Variants in ALPK1 observed in about 807,000 individuals in gnomAD.
The protein encoded by ALPK1 is alpha kinase 1.
ALPK1 carries 110 observed loss-of-function variants against 120.6 expected under a neutral mutation model. The observed-to-expected ratio is 0.91, with a 90% CI of 0.78 to 1.07. ALPK1 has a LOEUF of 1.07. Among genes scored for constraint, ALPK1 ranks in the 50% least tolerant of loss-of-function variants. ALPK1 has a pLI of 0.00. For synonymous variants in ALPK1, 582 were observed against 560.3 expected (o/e 1.04, Z -0.55); for missense variants, 1,498 against 1,483.9 (o/e 1.01, Z -0.16).
At chr4:112,323,218 A>G (rs1247381328) in intron 2 of ALPK1, among the ~76,000 whole-genome samples, 1 of 152,240 alleles carries the variant, frequency 6.6e-6, no homozygotes, top group African/African-American at 2.4e-5. Context: ...CGGTCTTCTA[A>G]GCAAAGCGTA....
chr4:112,422,055 G>C (rs1378111001), intron 5 of ALPK1, among the ~76,000 whole-genome samples: 2 of 152,160 alleles, frequency 1.3e-5, no homozygotes, highest in African/African-American at 4.8e-5. Flanking sequence ...CAGTTGATCT[G>C]ATCATGGAGA....
intron 2 of ALPK1, among the ~76,000 whole-genome samples, chr4:112,342,728 T>C (rs1729912668): frequency 6.6e-6 from 1 of 152,256 alleles, no homozygotes; most frequent in Non-Finnish European, 1.5e-5. Flanking sequence ...ATTTTCTATA[T>C]GTCATGTACT....
intron 5 of ALPK1, 69 bp from the exon 6 acceptor site, chr4:112,423,875 A>G (rs1372534913): frequency 6.7e-7 from 1 of 1,497,752 alleles, no homozygotes; most frequent in African/African-American, 1.4e-5. Context: ...GTCTTAGAAC[A>G]TGAACAACTT....
At chr4:112,319,546 G>T (rs1436051372) in intron 2 of ALPK1, among the ~76,000 whole-genome samples, 1 of 152,078 alleles carries the variant, frequency 6.6e-6, no homozygotes, top group Non-Finnish European at 1.5e-5. Flanking sequence ...GGTTCCATAT[G>T]AATTTTAGAA....
At position 112,399,616 on chromosome 4, in the gene ALPK1, A is replaced by G. The variant is rs563024283; in HGVS notation, c.277-12211A>G. On this transcript the variant is annotated intron_variant, in intron 4 of 15. Coordinates refer to ENST00000650871, the MANE Select transcript of ALPK1 (RefSeq NM_025144.4). Reference sequence around the variant, plus strand: ...TTTATTTTACTTTAAGTTCTGGGATACATGTACAGAACGTGCAGGTTTGTT... The same window carrying G: ...TTTATTTTACTTTAAGTTCTGGGATGCATGTACAGAACGTGCAGGTTTGTT... 7.9e-4 allele frequency among the ~76,000 whole-genome samples: 121 copies of G among 152,270 alleles called. 1 individual carries two copies. The highest frequency in any genetic ancestry group is 7.5e-3 in the South Asian group (36 of 4,820).
At chr4:112,359,742 C>G in intron 2 of ALPK1, 1 of 352,684 alleles carries the variant, frequency 2.8e-6, no homozygotes, top group Non-Finnish European at 5.6e-6. Flanking sequence ...TGAGTGGGGC[C>G]TCTAGGACGT....
At chr4:112,338,559 A>G (rs1729728626) in intron 2 of ALPK1, among the ~76,000 whole-genome samples, 1 of 152,218 alleles carries the variant, frequency 6.6e-6, no homozygotes, top group Non-Finnish European at 1.5e-5. Flanking sequence ...AAAAGCCTAC[A>G]GAAAAGATGC....
chr4:112,298,298 T>C (rs565520668), intron 1 of ALPK1, among the ~76,000 whole-genome samples: 4 of 152,154 alleles, frequency 2.6e-5, no homozygotes, highest in African/African-American at 9.6e-5. Context: ...ACTTTCTTTT[T>C]ACTTTGTGCC....
intron 4 of ALPK1, chr4:112,382,902 G>A (rs1293433306): frequency 3.9e-6 from 1 of 255,556 alleles, no homozygotes; most frequent in Admixed American, 4.9e-5. Flanking sequence ...CTAAAAGTTA[G>A]GTAGCTTAAA....
chr4:112,437,285 TAAAG>T (rs35671482), intron 12 of ALPK1, among the ~76,000 whole-genome samples: 43,429 of 151,700 alleles, frequency 0.29, 6,555 homozygotes, highest in East Asian at 0.42. Context: ...GAAGACAAAA[TAAAG>T]ACATTTGCAG....
chr4:112,324,017 C>T (rs953874778), intron 2 of ALPK1, among the ~76,000 whole-genome samples: 1 of 152,156 alleles, frequency 6.6e-6, no homozygotes, highest in Admixed American at 6.5e-5. Flanking sequence ...GCTTAGGGAG[C>T]CCACTGCTTT....
rs1407803074 is a variant in ALPK1, at chr4:112,441,377, T to A, written c.*167T>A. On this transcript the variant is annotated 3_prime_UTR_variant, in exon 16 of 16. Transcript: ENST00000650871. ...CTCTGCCACAGTTATCAAGAATGGGTCAGGAGACCGCTGCTTCTGGGCATA... is the reference window on the plus strand; with the variant it reads ...CTCTGCCACAGTTATCAAGAATGGGACAGGAGACCGCTGCTTCTGGGCATA... The A allele has an allele frequency of 1.0e-5, 7 of 703,342 alleles. No homozygotes were observed. The highest frequency in any genetic ancestry group is 1.8e-5 in the Non-Finnish European group (7 of 388,264). 43.6% of individuals were successfully genotyped at this position (703,342 alleles called of 1,614,324 possible).
intron 1 of ALPK1, among the ~76,000 whole-genome samples, chr4:112,304,488 C>G (rs998051051): frequency 3.7e-4 from 57 of 152,118 alleles, no homozygotes; most frequent in Non-Finnish European, 7.5e-4. Flanking sequence ...ATTTGCATTT[C>G]TCTGATGGCC....
intron 4 of ALPK1, among the ~76,000 whole-genome samples, chr4:112,394,548 A>G (rs1408644865): frequency 2.6e-5 from 4 of 152,218 alleles, no homozygotes; most frequent in African/African-American, 9.6e-5. Context: ...TTTAAGGTAG[A>G]GTCTGATTAA....
intron 2 of ALPK1, among the ~76,000 whole-genome samples, chr4:112,345,884 T>C (rs931253561): frequency 5.3e-5 from 8 of 152,314 alleles, no homozygotes; most frequent in Non-Finnish European, 1.2e-4. Context: ...ATATGAACTC[T>C]TGGAGTTTCA....
intron 1 of ALPK1, among the ~76,000 whole-genome samples, chr4:112,299,113 T>C (rs1727675222): frequency 6.6e-6 from 1 of 152,090 alleles, no homozygotes; most frequent in South Asian, 2.1e-4. Context: ...ATTTGTTGCC[T>C]CTCTATATGG....
intron 2 of ALPK1, among the ~76,000 whole-genome samples, chr4:112,340,598 C>A (rs938578870): frequency 6.6e-6 from 1 of 152,172 alleles, no homozygotes; most frequent in Non-Finnish European, 1.5e-5. Flanking sequence ...TTCTTAAACA[C>A]TGTTATTAAG....
intron 4 of ALPK1, among the ~76,000 whole-genome samples, chr4:112,402,480 C>G (rs117097707): frequency 6.6e-6 from 1 of 152,178 alleles, no homozygotes; most frequent in Non-Finnish European, 1.5e-5. Flanking sequence ...ATCTGTGTAT[C>G]GAAATCTCAT....
intron 5 of ALPK1, among the ~76,000 whole-genome samples, chr4:112,420,636 C>G (rs1578558222): frequency 6.6e-6 from 1 of 152,284 alleles, no homozygotes; most frequent in East Asian, 1.9e-4. Flanking sequence ...AAATGAGAGT[C>G]ACTCAGCAGT....
Sources: allele counts gnomAD v4.1 joint callset (sites outside exome capture counted in the v4.1 genomes callset), GRCh38; gene constraint gnomAD v4.1.1; transcripts MANE v1.5; gene names NCBI Gene and HGNC (gene_info 2026-07-23, HGNC 2026-07-21).